The following CASD1 variants were observed in gnomAD, a reference collection of about 807,000 sequenced individuals.
CASD1 encodes CAS1 domain sialic acid O acetyltransferase 1, also known as N-acetylneuraminate (7)9-O-acetyltransferase.
Under a neutral mutation model 100.0 loss-of-function variants are expected in CASD1, and 41 were observed. The observed-to-expected ratio is 0.41, with a 90% CI of 0.32 to 0.53. The LOEUF (loss-of-function observed/expected upper bound fraction) is 0.53. Ranked by LOEUF, CASD1 falls within the 20% of genes least tolerant of loss-of-function variation. The pLI, the probability that CASD1 is intolerant of heterozygous loss-of-function variation, is 0.25. For synonymous variants in CASD1, 321 were observed against 315.6 expected (o/e 1.02, Z -0.18); for missense variants, 774 against 948.7 (o/e 0.82, Z 2.42).
the CASD1 span, chr7:94,590,971 T>TCAA: frequency 3.9e-5 from 6 of 152,164 alleles, no homozygotes; most frequent in Non-Finnish European, 2.9e-5. Flanking sequence ...CAGTTCCACT[T>TCAA]TAAAGATATT....
At chr7:94,529,205 AATT>A (rs1794729160) in intron 5 of CASD1, among the ~76,000 whole-genome samples, 2 of 152,182 alleles carry the variant, frequency 1.3e-5, no homozygotes, top group African/African-American at 2.4e-5. Context: ...GTATATTTGA[AATT>A]ATTTAAGCAT....
At chr7:94,544,611 A>G in intron 11 of CASD1, 81 bp downstream of exon 11, 1 of 1,416,070 alleles carries the variant, frequency 7.1e-7, no homozygotes, top group Non-Finnish European at 9.6e-7. Context: ...AAAAATATAA[A>G]TATAGTCATT....
intron 10 of CASD1, among the ~76,000 whole-genome samples, chr7:94,540,449 C>A (rs926334391): frequency 6.6e-6 from 1 of 151,968 alleles, no homozygotes; most frequent in Admixed American, 6.6e-5. Flanking sequence ...TTCTTCATTG[C>A]CTCTTTATTA....
the CASD1 span, among the ~76,000 whole-genome samples, chr7:94,568,586 A>G: frequency 6.6e-6 from 1 of 152,200 alleles, no homozygotes; most frequent in Admixed American, 6.6e-5. Flanking sequence ...CCCAAAATGT[A>G]AAGACTTCCT....
chr7:94,576,386 C>T, the CASD1 span, among the ~76,000 whole-genome samples: 4 of 152,212 alleles, frequency 2.6e-5, no homozygotes, highest in African/African-American at 9.7e-5. Flanking sequence ...TTGGAATATT[C>T]TTCCTCATAT....
chr7:94,518,388 G>A, intron 3 of CASD1, 65 bp downstream of exon 3: 1 of 1,373,428 alleles, frequency 7.3e-7, no homozygotes, highest in Non-Finnish European at 9.8e-7. Context: ...AGTTACAGGA[G>A]GAGTGTGTCT....
the CASD1 span, among the ~76,000 whole-genome samples, chr7:94,616,711 A>C: frequency 4.6e-5 from 7 of 152,228 alleles, no homozygotes; most frequent in African/African-American, 1.7e-4. Context: ...ATTTTATATA[A>C]CAACTAAAGA....
chr7:94,532,301 AAT>A (rs747910710), intron 5 of CASD1, among the ~76,000 whole-genome samples: 9 of 152,142 alleles, frequency 5.9e-5, no homozygotes, highest in Non-Finnish European at 1.3e-4. Context: ...AAAATAGTAC[AAT>A]TATAACAGTA....
the CASD1 span, among the ~76,000 whole-genome samples, chr7:94,567,999 T>A: frequency 6.6e-5 from 10 of 152,322 alleles, no homozygotes; most frequent in East Asian, 1.3e-3. Context: ...ACAGGTTTTT[T>A]AAGAAATAAG....
intron 13 of CASD1, among the ~76,000 whole-genome samples, chr7:94,549,110 A>G (rs1562948898): frequency 6.6e-6 from 1 of 151,984 alleles, no homozygotes; most frequent in Non-Finnish European, 1.5e-5. Flanking sequence ...TATTTGGGAT[A>G]CTGATACCAT....
chr7:94,524,213 A>C (rs1290811036), intron 3 of CASD1: 1 of 152,148 alleles, frequency 6.6e-6, no homozygotes, highest in African/African-American at 2.4e-5. Flanking sequence ...CCTTAAGATA[A>C]AGAGTATCTA....
the CASD1 span, among the ~76,000 whole-genome samples, chr7:94,613,699 T>C: frequency 1.3e-5 from 2 of 152,172 alleles, no homozygotes; most frequent in East Asian, 3.8e-4. Flanking sequence ...TAGCCAAATA[T>C]ATGGATCCAA....
chr7:94,559,044 C>T (rs763707470), downstream of CASD1, among the ~76,000 whole-genome samples: 6 of 152,158 alleles, frequency 3.9e-5, no homozygotes, highest in African/African-American at 7.2e-5. Context: ...AAGCGATCCA[C>T]CTGCCTCAGC....
intron 10 of CASD1, 104 bp from the exon 11 acceptor site, chr7:94,544,307 A>G (rs1410379113): frequency 4.3e-6 from 6 of 1,382,078 alleles, no homozygotes; most frequent in Non-Finnish European, 6.0e-6. Flanking sequence ...AGCTGATGCC[A>G]AATGCTAATA....
At chr7:94,601,442 T>TAAA in the CASD1 span, among the ~76,000 whole-genome samples, 2 of 34,430 alleles carry the variant, frequency 5.8e-5, no homozygotes, top group African/African-American at 6.2e-4. Context: ...TATCCCAGTA[T>TAAA]CAAAAAAAAA....
chr7:94,523,653 AGT>A (rs1436209351), intron 3 of CASD1, among the ~76,000 whole-genome samples: 1 of 152,224 alleles, frequency 6.6e-6, no homozygotes, highest in Admixed American at 6.5e-5. Flanking sequence ...CTGTAGGTTC[AGT>A]GTAATTCCAA....
the CASD1 span, among the ~76,000 whole-genome samples, chr7:94,563,915 A>G: frequency 6.6e-6 from 1 of 152,176 alleles, no homozygotes; most frequent in African/African-American, 2.4e-5. Context: ...TGGCAAGACT[A>G]CTAGTCTTTT....
At chr7:94,615,772 C>T in the CASD1 span, among the ~76,000 whole-genome samples, 1 of 152,134 alleles carries the variant, frequency 6.6e-6, no homozygotes. Flanking sequence ...TCATAGCCAC[C>T]ATTTACACTA....
At chr7:94,612,436 CCTG>C in the CASD1 span, among the ~76,000 whole-genome samples, 3 of 151,990 alleles carry the variant, frequency 2.0e-5, no homozygotes, top group South Asian at 2.1e-4. Context: ...AATTTTGTAT[CCTG>C]CTTTTTCACT....
Sources: gnomAD v4.1 joint callset for allele counts (sites outside exome capture counted in the v4.1 genomes callset) on GRCh38, gnomAD v4.1.1 for gene constraint, MANE v1.5 for transcripts, NCBI Gene and HGNC (gene_info 2026-07-23, HGNC 2026-07-21) for gene names.